The following PPP6R3 variants were observed in gnomAD, a reference collection of about 807,000 sequenced individuals.
The protein encoded by PPP6R3 is serine/threonine-protein phosphatase 6 regulatory subunit 3.
A neutral mutation model predicts 110.7 loss-of-function variants in PPP6R3; 38 were observed. The ratio of observed to expected loss-of-function variants is 0.34; its 90% CI spans 0.26 to 0.45. The LOEUF (loss-of-function observed/expected upper bound fraction) is 0.45. Ranked by LOEUF, PPP6R3 falls within the 20% of genes least tolerant of loss-of-function variation. PPP6R3 has a pLI of 1.00. For missense variants in PPP6R3, 870 were observed against 1,062.4 expected (o/e 0.82, Z 2.52); for synonymous variants, 369 against 373.5 (o/e 0.99, Z 0.14).
At chr11:68,513,065 G>T (rs1025535404) in intron 1 of PPP6R3, among the ~76,000 whole-genome samples, 1 of 152,050 alleles carries the variant, frequency 6.6e-6, no homozygotes, top group Non-Finnish European at 1.5e-5. Flanking sequence ...TACACCAGCA[G>T]CCCCCTTGGG....
intron 14 of PPP6R3, among the ~76,000 whole-genome samples, chr11:68,581,109 T>C (rs2099552750): frequency 1.3e-5 from 2 of 152,204 alleles, no homozygotes; most frequent in South Asian, 4.1e-4. Flanking sequence ...GTTAATGATT[T>C]CAGACTCAGA....
intron 2 of PPP6R3, among the ~76,000 whole-genome samples, chr11:68,533,704 CAAAAAAAAAAAAA>C (rs58617776): frequency 5.3e-5 from 3 of 56,144 alleles, no homozygotes; most frequent in Admixed American, 5.1e-4. Context: ...GACCTTGTCT[CAAAAAAAAAAAAA>C]AAAAAAAAAA....
chr11:68,512,691 A>G (rs1229226395), intron 1 of PPP6R3, among the ~76,000 whole-genome samples: 1 of 152,156 alleles, frequency 6.6e-6, no homozygotes, highest in East Asian at 1.9e-4. Context: ...ACTAAGGAGT[A>G]CCTAGAAACC....
chr11:68,508,121 C>CTTTTTTTTTTTTTTTTTTTT lies in PPP6R3; in HGVS notation c.-157-11374_-157-11355dup, dbSNP rs748376581. ...CCCCGGCCTAAGTGAGTTTTTTGGC[C>CTTTTTTTTTTTTTTTTTTTT]TTTTTTTTTTTTTTTTTTTTTTTTT... On this transcript the variant is annotated intron_variant, in intron 1 of 23. Transcript: ENST00000393800. 2.7e-4 allele frequency among the ~76,000 whole-genome samples: 21 copies of CTTTTTTTTTTTTTTTTTTTT among 77,622 alleles called. 1 individual carries two copies. The highest frequency in any genetic ancestry group is 1.2e-3 in the African/African-American group (19 of 16,442). 50.9% of individuals were successfully genotyped at this position (77,622 alleles called of 152,430 possible).
chr11:68,522,981 C>G lies in PPP6R3; in HGVS notation c.-7+3330C>G, dbSNP rs111504542. 4.6e-5 allele frequency among the ~76,000 whole-genome samples: 7 copies of G among 152,342 alleles called. 2 individuals are homozygous for G. Among genetic ancestry groups the G allele is most frequent in the African/African-American group, 1.7e-4 (7 of 41,582 alleles). ...TGGGACTGCTACCTTCATCACATAG[C>G]TGTTTTCCCTTATTTCCACATTTCT... On this transcript the variant is annotated intron_variant, in intron 2 of 23. Transcript: ENST00000393800.
At position 68,613,793 on chromosome 11, in the gene PPP6R3, T is replaced by G. The variant is rs2153984811; in HGVS notation, c.*676T>G. 1 of 984,634 alleles carries G rather than the reference T, an allele frequency of 1.0e-6. No individual in the cohort carries two copies. The allele number at this position is 984,634 out of a possible 1,614,324, so 61.0% of individuals were successfully genotyped here. A position where few individuals can be genotyped will look rare whatever the true frequency, so the allele number is the denominator to read the frequency against. The stretch of plus-strand genomic sequence containing the variant: ...CTACATCATAGTTGATAAATTGATG[T>G]TATCGTAAAGCCATATGTTCTGTTC... On this transcript the variant is annotated 3_prime_UTR_variant, in exon 24 of 24. Coordinates refer to ENST00000393800, the MANE Select transcript of PPP6R3 (RefSeq NM_001164161.2).
chr11:68,550,687 T>C (rs1421766596), intron 5 of PPP6R3, among the ~76,000 whole-genome samples: 1 of 152,206 alleles, frequency 6.6e-6, no homozygotes, highest in African/African-American at 2.4e-5. Context: ...TGTGTTTTTC[T>C]TAACCCAGAG....
chr11:68,509,114 G>A (rs1460559582), intron 1 of PPP6R3, among the ~76,000 whole-genome samples: 3 of 152,116 alleles, frequency 2.0e-5, no homozygotes, highest in Admixed American at 6.5e-5. Context: ...TACTCTAACC[G>A]TGTCCTTTTC....
intron 1 of PPP6R3, among the ~76,000 whole-genome samples, chr11:68,499,242 A>T (rs932729194): frequency 2.6e-5 from 4 of 152,056 alleles, no homozygotes; most frequent in African/African-American, 9.7e-5. Flanking sequence ...TGGGAGTGGC[A>T]TGGTTGTCTG....
chr11:68,509,382 C>G (rs80118237), intron 1 of PPP6R3, among the ~76,000 whole-genome samples: 1 of 152,012 alleles, frequency 6.6e-6, no homozygotes, highest in African/African-American at 2.4e-5. Context: ...TTTCTTCAAC[C>G]GTGCTTGTCT....
chr11:68,537,917 G>T (rs1410593224), intron 3 of PPP6R3, 26 bp downstream of exon 3: 1 of 1,536,716 alleles, frequency 6.5e-7, no homozygotes, highest in South Asian at 1.1e-5. Flanking sequence ...CTTCTCTGTA[G>T]AGTGGGACTA....
chr11:68,597,239 C>T (rs2099616520), intron 19 of PPP6R3, among the ~76,000 whole-genome samples: 1 of 152,102 alleles, frequency 6.6e-6, no homozygotes, highest in Non-Finnish European at 1.5e-5. Context: ...GGGGAGCCTT[C>T]CATTAGGCCT....
Position 68,520,653 on chromosome 11 carries a change from G to A in PPP6R3, c.-7+1002G>A, listed in dbSNP as rs79564316. The stretch of plus-strand genomic sequence containing the variant: ...TCTTGCCCCCGATATTCAGATTCTC[G>A]TACACGACTTAGGATTTCCTCAGCT... On this transcript the variant is annotated intron_variant, in intron 2 of 23. Coordinates refer to ENST00000393800, the MANE Select transcript of PPP6R3 (RefSeq NM_001164161.2). Among the ~76,000 whole-genome samples, 649 of 152,240 alleles carry A rather than the reference G, an allele frequency of 4.3e-3. 3 individuals carry two copies. The highest frequency in any genetic ancestry group is 0.015 in the African/African-American group (617 of 41,544).
intron 2 of PPP6R3, among the ~76,000 whole-genome samples, chr11:68,532,552 A>G (rs987018003): frequency 9.9e-5 from 15 of 152,230 alleles, no homozygotes; most frequent in African/African-American, 3.6e-4. Context: ...ATTATCCCTA[A>G]TTTTAAGAAC....
intron 1 of PPP6R3, among the ~76,000 whole-genome samples, chr11:68,496,896 C>G (rs1222832723): frequency 9.7e-6 from 1 of 103,148 alleles, no homozygotes; most frequent in Non-Finnish European, 1.8e-5. Flanking sequence ...GAGTCTTGCT[C>G]TGTTGCCCAG....
At chr11:68,558,501 T>A (rs2099407665) in intron 7 of PPP6R3, 65 bp from the exon 8 acceptor site, 1 of 1,059,738 alleles carries the variant, frequency 9.4e-7, no homozygotes, top group Non-Finnish European at 1.4e-6. Flanking sequence ...TACCGTCGTC[T>A]TTTTTTCTGA....
intron 1 of PPP6R3, among the ~76,000 whole-genome samples, chr11:68,485,408 A>G (rs1184237485): frequency 2.0e-5 from 3 of 151,790 alleles, no homozygotes; most frequent in East Asian, 3.9e-4. Flanking sequence ...TAGGACTTCC[A>G]GTATGATATG....
intron 2 of PPP6R3, among the ~76,000 whole-genome samples, chr11:68,523,936 A>G (rs1160563297): frequency 6.6e-6 from 1 of 152,054 alleles, no homozygotes; most frequent in Non-Finnish European, 1.5e-5. Context: ...CGTGGGGTTC[A>G]ACCCACTAAG....
intron 1 of PPP6R3, among the ~76,000 whole-genome samples, chr11:68,505,794 G>A (rs188761140): frequency 7.2e-5 from 11 of 152,228 alleles, no homozygotes; most frequent in Admixed American, 5.9e-4. Flanking sequence ...CAGCTCAGCC[G>A]TAGAGTGTTT....
Sources: allele counts gnomAD v4.1 joint callset (sites outside exome capture counted in the v4.1 genomes callset), GRCh38; gene constraint gnomAD v4.1.1; transcripts MANE v1.5; gene names NCBI Gene and HGNC (gene_info 2026-07-23, HGNC 2026-07-21).